Variants in MGAT4C observed in about 807,000 individuals in gnomAD.
MGAT4C encodes alpha-1,3-mannosyl-glycoprotein 4-beta-N-acetylglucosaminyltransferase C.
MGAT4C carries 19 observed loss-of-function variants against 40.1 expected under a neutral mutation model. The ratio of observed to expected loss-of-function variants is 0.47; its 90% CI spans 0.33 to 0.70. The LOEUF (loss-of-function observed/expected upper bound fraction) is 0.70. Ranked by LOEUF, MGAT4C falls within the 30% of genes least tolerant of loss-of-function variation. MGAT4C has a pLI of 0.02. For synonymous variants in MGAT4C, 181 were observed against 187.1 expected (o/e 0.97, Z 0.27); for missense variants, 491 against 563.2 (o/e 0.87, Z 1.30).
chr12:86,811,642 A>T (rs1436008060), intron 1 of MGAT4C, among the ~76,000 whole-genome samples: 1 of 151,326 alleles, frequency 6.6e-6, no homozygotes, highest in Non-Finnish European at 1.5e-5. Context: ...GTGCCCAGCC[A>T]GTATTCTATT....
At chr12:86,077,070 T>G (rs897266329) in intron 1 of MGAT4C, among the ~76,000 whole-genome samples, 2 of 151,874 alleles carry the variant, frequency 1.3e-5, no homozygotes, top group Non-Finnish European at 2.9e-5. Context: ...AGATTAAGGG[T>G]GGGTCTGCCT....
intron 2 of MGAT4C, among the ~76,000 whole-genome samples, chr12:86,024,830 A>G (rs1890106542): frequency 6.6e-6 from 1 of 151,846 alleles, no homozygotes; most frequent in Non-Finnish European, 1.5e-5. Flanking sequence ...TATAATTAAC[A>G]TTTTAAAAAT....
At chr12:86,820,533 C>T (rs1593238227) in intron 1 of MGAT4C, among the ~76,000 whole-genome samples, 1 of 150,864 alleles carries the variant, frequency 6.6e-6, no homozygotes, top group Non-Finnish European at 1.5e-5. Flanking sequence ...AATAATTTGC[C>T]TGTAAGAAGA....
intron 2 of MGAT4C, among the ~76,000 whole-genome samples, chr12:86,531,983 A>G (rs1319709275): frequency 6.6e-6 from 1 of 151,998 alleles, no homozygotes; most frequent in African/African-American, 2.4e-5. Flanking sequence ...TAATTGGTAA[A>G]TTGCAAATTT....
At chr12:86,171,187 T>G (rs1886794974) in intron 1 of MGAT4C, among the ~76,000 whole-genome samples, 1 of 151,976 alleles carries the variant, frequency 6.6e-6, no homozygotes, top group African/African-American at 2.4e-5. Context: ...CTGACCAACA[T>G]AGAGAAACCG....
chr12:86,623,399 C>T (rs1325455585), intron 2 of MGAT4C, among the ~76,000 whole-genome samples: 2 of 152,018 alleles, frequency 1.3e-5, no homozygotes, highest in African/African-American at 4.8e-5. Flanking sequence ...GTCCATCTGA[C>T]TTAAAACGGG....
At chr12:86,838,451 G>GT (rs1953085393) in intron 1 of MGAT4C, among the ~76,000 whole-genome samples, 1 of 152,066 alleles carries the variant, frequency 6.6e-6, no homozygotes, top group South Asian at 2.1e-4. Flanking sequence ...GATTTTTTCT[G>GT]TTTTTGCTGA....
At chr12:86,215,278 T>A (rs1039959883) in intron 1 of MGAT4C, among the ~76,000 whole-genome samples, 1 of 152,192 alleles carries the variant, frequency 6.6e-6, no homozygotes, top group African/African-American at 2.4e-5. Flanking sequence ...TAAAAAAAAT[T>A]AATTTCTTGC....
chr12:86,156,695 TC>T (rs1370966624), intron 1 of MGAT4C, among the ~76,000 whole-genome samples: 5 of 152,190 alleles, frequency 3.3e-5, no homozygotes, highest in Non-Finnish European at 5.9e-5. Flanking sequence ...AACATAAATA[TC>T]ATTTCACTAT....
chr12:86,104,912 C>CA (rs2135612143), intron 1 of MGAT4C, among the ~76,000 whole-genome samples: 1 of 152,056 alleles, frequency 6.6e-6, no homozygotes, highest in South Asian at 2.1e-4. Flanking sequence ...TTAATAGACT[C>CA]CAATACTTTT....
intron 1 of MGAT4C, among the ~76,000 whole-genome samples, chr12:86,830,015 G>C (rs1447457558): frequency 6.6e-6 from 1 of 151,260 alleles, no homozygotes; most frequent in Admixed American, 6.6e-5. Context: ...GTTTGTTACT[G>C]AATTTTACCT....
chr12:86,452,580 C>T (rs987287465), intron 2 of MGAT4C, among the ~76,000 whole-genome samples: 6 of 151,936 alleles, frequency 3.9e-5, no homozygotes, highest in Non-Finnish European at 8.8e-5. Flanking sequence ...ACATGAAATA[C>T]TGGGCTCAAT....
chr12:86,380,231 G>A (rs1955903212), intron 3 of MGAT4C, among the ~76,000 whole-genome samples: 1 of 151,956 alleles, frequency 6.6e-6, no homozygotes. Context: ...AAGAATCAGA[G>A]CCACTACAAA....
intron 1 of MGAT4C, among the ~76,000 whole-genome samples, chr12:86,199,910 T>C (rs531854659): frequency 1.3e-5 from 2 of 152,200 alleles, no homozygotes; most frequent in African/African-American, 4.8e-5. Flanking sequence ...TGCAAAGCTC[T>C]TAAGTGTATA....
At chr12:85,989,046 G>A (rs11117145) in intron 3 of MGAT4C, among the ~76,000 whole-genome samples, 21,325 of 151,926 alleles carry the variant, frequency 0.14, 1,869 homozygotes, top group Non-Finnish European at 0.2. Context: ...AGGAAGCAAG[G>A]AGTTATACTT....
At chr12:86,795,316 G>A (rs1457386587) in intron 1 of MGAT4C, among the ~76,000 whole-genome samples, 2 of 151,850 alleles carry the variant, frequency 1.3e-5, no homozygotes, top group Non-Finnish European at 2.9e-5. Flanking sequence ...CCATTGATTA[G>A]TTCAACTGCT....
At chr12:86,697,207 A>G (rs1056482621) in intron 2 of MGAT4C, among the ~76,000 whole-genome samples, 2 of 152,102 alleles carry the variant, frequency 1.3e-5, no homozygotes, top group Admixed American at 1.3e-4. Context: ...AAAATTTCCT[A>G]AATATATTCG....
chr12:86,146,541 C>T (rs1414369671), intron 1 of MGAT4C, among the ~76,000 whole-genome samples: 1 of 152,074 alleles, frequency 6.6e-6, no homozygotes, highest in East Asian at 1.9e-4. Flanking sequence ...TCCGTGTTCT[C>T]TTATTCTATT....
At chr12:86,511,644 A>G (rs1592937385) in intron 2 of MGAT4C, among the ~76,000 whole-genome samples, 2 of 152,234 alleles carry the variant, frequency 1.3e-5, no homozygotes, top group South Asian at 2.1e-4. Flanking sequence ...AGAATATACA[A>G]TGGGGAAGGA....
Sources: allele counts gnomAD v4.1 joint callset (sites outside exome capture counted in the v4.1 genomes callset), GRCh38; gene constraint gnomAD v4.1.1; transcripts MANE v1.5; gene names NCBI Gene and HGNC (gene_info 2026-07-23, HGNC 2026-07-21).